Variants in DTHD1 observed in about 807,000 individuals in gnomAD.
The protein encoded by DTHD1 is death domain containing 1.
In DTHD1, 59 loss-of-function variants were observed where a neutral mutation model predicts 74.8. That is an observed-to-expected ratio of 0.79 (90% CI 0.64 to 0.98). DTHD1 has a LOEUF of 0.98. DTHD1 is among the 50% of genes least tolerant of loss of function. The pLI is 0.00. For synonymous variants in DTHD1, 365 were observed against 371.1 expected, an observed-to-expected ratio of 0.98 and a Z score of 0.19; for missense variants, 1,051 against 1,065.4, an observed-to-expected ratio of 0.99 and a Z score of 0.19.
At chr4:36,321,223 C>T (rs762504600) in intron 8 of DTHD1, among the ~76,000 whole-genome samples, 1 of 152,118 alleles carries the variant, frequency 6.6e-6, no homozygotes, top group South Asian at 2.1e-4. Flanking sequence ...CAGAGTTATC[C>T]CTTAAAGCAG....
intron 8 of DTHD1, among the ~76,000 whole-genome samples, chr4:36,331,513 G>C (rs1758669895): frequency 6.6e-6 from 1 of 152,066 alleles, no homozygotes; most frequent in Admixed American, 6.6e-5. Context: ...TACTTTCTTA[G>C]TCTATTGTTA....
chr4:36,302,634 C>A (rs975770900), intron 5 of DTHD1, among the ~76,000 whole-genome samples: 7 of 152,024 alleles, frequency 4.6e-5, no homozygotes, highest in African/African-American at 1.7e-4. Flanking sequence ...AGACAAATAA[C>A]AATCCATGTA....
At chr4:36,312,924 G>A (rs1757487465) in intron 7 of DTHD1, among the ~76,000 whole-genome samples, 1 of 152,208 alleles carries the variant, frequency 6.6e-6, no homozygotes, top group Non-Finnish European at 1.5e-5. Context: ...GAGAAGCAAG[G>A]AGATCAGTTA....
Position 36,341,043 on chromosome 4 carries a change from G to A in DTHD1, c.2398+1874G>A, listed in dbSNP as rs529524424. On this transcript the variant is annotated intron_variant, in intron 9 of 9. Coordinates refer to ENST00000639862, the MANE Select transcript of DTHD1 (RefSeq NM_001170700.3). ...ATCAGTGCAGTGAGTAGAAGTAGGA[G>A]GCCTCTCATAAGATTGGAAAGAAAG... Among the ~76,000 whole-genome samples, 5 of 152,178 alleles carry A rather than the reference G, an allele frequency of 3.3e-5. No individual in the cohort carries two copies. The East Asian group carries it at 9.7e-4, about 29-fold the overall frequency.
At chr4:36,336,348 G>T (rs902094029) in intron 8 of DTHD1, among the ~76,000 whole-genome samples, 2 of 83,664 alleles carry the variant, frequency 2.4e-5, no homozygotes, top group East Asian at 4.7e-4. Context: ...TAATCGAATG[G>T]CACCTTTTGT....
intron 5 of DTHD1, among the ~76,000 whole-genome samples, chr4:36,295,247 A>T (rs117316725): frequency 6.6e-6 from 1 of 152,300 alleles, no homozygotes; most frequent in East Asian, 1.9e-4. Flanking sequence ...ATAAAGATAA[A>T]GATGGAGACA....
intron 6 of DTHD1, 147 bp from the exon 7 acceptor site, chr4:36,308,057 T>C (rs1162879773): frequency 2.2e-5 from 19 of 847,972 alleles, no homozygotes; most frequent in Middle Eastern, 3.5e-4. Flanking sequence ...TTTACAATCA[T>C]TAATGAATCT....
chr4:36,314,069 G>GTTTTTTTTTTTTTTTTTTTTTT (rs375245524), intron 7 of DTHD1, among the ~76,000 whole-genome samples: 1 of 138,992 alleles, frequency 7.2e-6, no homozygotes, highest in Non-Finnish European at 1.6e-5. Flanking sequence ...CTAGGAATCT[G>GTTTTTTTTTTTTTTTTTTTTTT]TTTTTTTTTT....
Position 36,343,953 on chromosome 4 carries a change from T to C in DTHD1, c.*129T>C. On this transcript the variant is annotated 3_prime_UTR_variant, in exon 10 of 10. Transcript: ENST00000639862. ...GTCTATTTAATGATGTGCTATTTAATGATGTGAGACAAAGGGAGAAGCACG... is the reference window on the plus strand; with the variant it reads ...GTCTATTTAATGATGTGCTATTTAACGATGTGAGACAAAGGGAGAAGCACG... 1 of 906,846 alleles carries C rather than the reference T, an allele frequency of 1.1e-6. No individual in the cohort carries two copies. The highest frequency in any genetic ancestry group is 1.6e-6 in the Non-Finnish European group (1 of 617,072). 56.2% of individuals were successfully genotyped at this position (906,846 alleles called of 1,614,324 possible).
intron 5 of DTHD1, among the ~76,000 whole-genome samples, chr4:36,297,395 G>T (rs1283884549): frequency 6.6e-6 from 1 of 152,142 alleles, no homozygotes; most frequent in African/African-American, 2.4e-5. Flanking sequence ...TAATCTTGCA[G>T]AATTTCATAC....
intron 7 of DTHD1, 91 bp downstream of exon 7, chr4:36,308,584 C>T (rs1197098755): frequency 9.5e-7 from 1 of 1,051,422 alleles, no homozygotes. Context: ...ACTAAGGAAA[C>T]CTTCAGAGGA....
chr4:36,314,933 C>T (rs73119367), intron 7 of DTHD1, among the ~76,000 whole-genome samples: 9,208 of 151,912 alleles, frequency 0.061, 424 homozygotes, highest in South Asian at 0.13. Flanking sequence ...CTTTATTTCT[C>T]CTGTTCTAAG....
At chr4:36,301,956 C>T (rs1221222217) in intron 5 of DTHD1, among the ~76,000 whole-genome samples, 1 of 152,034 alleles carries the variant, frequency 6.6e-6, no homozygotes. Flanking sequence ...CATTTTTGTC[C>T]AGAAACTGAA....
rs1206265525 is a variant in DTHD1 at position 36,290,457 on chromosome 4, A to T, written c.972A>T (p.Glu324Asp). 3 of 1,551,942 alleles carry T rather than the reference A, an allele frequency of 1.9e-6. No homozygotes were observed. Among genetic ancestry groups the T allele is most frequent in the Non-Finnish European group, 2.6e-6 (3 of 1,147,008 alleles). The change falls in exon 3 of 10, where the codon GAA becomes GAT. Residue 324 changes from glutamate to aspartate, a missense_variant. Transcript: ENST00000639862. ...TAPSYVLQQL[E>D]CRIINHMSSL... ...CATCATATGTTCTACAACAACTAGA[A>T]TGCCGGATAATAAATCACATGAGTT...
chr4:36,329,582 T>G (rs1198105732), intron 8 of DTHD1, among the ~76,000 whole-genome samples: 1 of 152,224 alleles, frequency 6.6e-6, no homozygotes, highest in Admixed American at 6.5e-5. Flanking sequence ...ATACTTCTCA[T>G]ATAAGTTTAT....
intron 3 of DTHD1, among the ~76,000 whole-genome samples, chr4:36,292,884 C>T (rs1411636974): frequency 6.6e-6 from 1 of 152,110 alleles, no homozygotes; most frequent in African/African-American, 2.4e-5. Context: ...TACGCAGTTC[C>T]CTTTTGTGCA....
intron 8 of DTHD1, among the ~76,000 whole-genome samples, chr4:36,318,304 C>T (rs1757846429): frequency 6.6e-6 from 1 of 152,134 alleles, no homozygotes; most frequent in Non-Finnish European, 1.5e-5. Context: ...TCCAGGTACA[C>T]CTTTGATGTT....
rs375245524 is a variant in DTHD1 at position 36,314,069 on chromosome 4, G to GTTT, written c.2096-2161_2096-2159dup. 1.8e-3 allele frequency among the ~76,000 whole-genome samples: 248 copies of GTTT among 138,944 alleles called. 1 individual carries two copies. The highest frequency in any genetic ancestry group is 2.6e-3 in the East Asian group (12 of 4,680). The allele number at this position is 138,944 out of a possible 152,430, so 91.2% of individuals were successfully genotyped here. A position where few individuals can be genotyped will look rare whatever the true frequency, so the allele number is the denominator to read the frequency against. On this transcript the variant is annotated intron_variant, in intron 7 of 9. Coordinates refer to ENST00000639862, the MANE Select transcript of DTHD1 (RefSeq NM_001170700.3). ...CTACTCATTTGTCTCCTAGGAATCT[G>GTTT]TTTTTTTTTTTTTTCTTTTTTTCCA... is the stretch of plus-strand genomic sequence containing the variant.
intron 9 of DTHD1, among the ~76,000 whole-genome samples, chr4:36,342,275 T>C (rs1366675185): frequency 3.3e-5 from 5 of 152,140 alleles, no homozygotes; most frequent in African/African-American, 1.2e-4. Context: ...TGGCCCCTTT[T>C]CCTTGTTTTC....
Sources: gnomAD v4.1 joint callset for allele counts (sites outside exome capture counted in the v4.1 genomes callset) on GRCh38, gnomAD v4.1.1 for gene constraint, MANE v1.5 for transcripts, NCBI Gene and HGNC (gene_info 2026-07-23, HGNC 2026-07-21) for gene names.